ACSM3: variants seen among roughly 807,000 people sequenced by gnomAD.
ACSM3 encodes acyl-coenzyme A synthetase ACSM3, mitochondrial.
In ACSM3, 61 loss-of-function variants were observed where a neutral mutation model predicts 74.1. The observed-to-expected ratio is 0.82, with a 90% CI of 0.67 to 1.02. The LOEUF (loss-of-function observed/expected upper bound fraction) is 1.02, where lower values mean the gene tolerates loss of function less well. Among genes scored for constraint, ACSM3 ranks in the 50% least tolerant of loss-of-function variants. The probability of loss-of-function intolerance (pLI) is 0.00; values close to 1 mark genes in which losing one functional copy is unlikely to be tolerated. For missense variants in ACSM3, 660 were observed against 697.0 expected (o/e 0.95, Z 0.60); for synonymous variants, 213 against 241.5 (o/e 0.88, Z 1.09).
At chr16:20,777,076 G>C (rs548473871) in intron 3 of ACSM3, among the ~76,000 whole-genome samples, 224 of 152,196 alleles carry the variant, frequency 1.5e-3, no homozygotes, top group African/African-American at 5.2e-3. Context: ...AATAAATATT[G>C]GTTAATATTA....
chr16:20,688,773 G>T (rs1002043054), intron 1 of ACSM3, among the ~76,000 whole-genome samples: 1 of 151,866 alleles, frequency 6.6e-6, no homozygotes, highest in Non-Finnish European at 1.5e-5. Context: ...GCTAAAGGAA[G>T]TCCTCAAGGT....
At chr16:20,777,672 AT>A in intron 4 of ACSM3, 92 bp downstream of exon 4, 1 of 1,144,138 alleles carries the variant, frequency 8.7e-7, no homozygotes, top group South Asian at 1.4e-5. Context: ...AAAAATGCAA[AT>A]TAAAACAACA....
chr16:20,738,359 A>T (rs897313116), intron 1 of ACSM3: 7 of 395,306 alleles, frequency 1.8e-5, no homozygotes, highest in Non-Finnish European at 3.5e-5. Flanking sequence ...GATGTAATTA[A>T]TCCATTAGCT....
chr16:20,749,067 A>T (rs376362714), intron 1 of ACSM3, among the ~76,000 whole-genome samples: 1 of 152,164 alleles, frequency 6.6e-6, no homozygotes, highest in Non-Finnish European at 1.5e-5. Context: ...TCTCCACAAA[A>T]AAAGAAAAAA....
At chr16:20,678,650 T>C (rs557652049) in intron 1 of ACSM3, among the ~76,000 whole-genome samples, 53 of 152,328 alleles carry the variant, frequency 3.5e-4, no homozygotes, top group Non-Finnish European at 7.2e-4. Flanking sequence ...AACTCTAAGA[T>C]CTCACAATGG....
intron 1 of ACSM3, chr16:20,742,029 CT>C: frequency 6.9e-7 from 1 of 1,439,422 alleles, no homozygotes; most frequent in Non-Finnish European, 9.2e-7. Context: ...TCCTCAAGCC[CT>C]TGAAGCTGGC....
intron 1 of ACSM3, among the ~76,000 whole-genome samples, chr16:20,732,145 A>C (rs2079834444): frequency 6.6e-6 from 1 of 152,172 alleles, no homozygotes; most frequent in Non-Finnish European, 1.5e-5. Context: ...CAGAAAGAAT[A>C]CCCAAAGAAA....
chr16:20,696,673 T>C (rs2079691550), intron 1 of ACSM3, among the ~76,000 whole-genome samples: 2 of 152,334 alleles, frequency 1.3e-5, no homozygotes, highest in South Asian at 4.1e-4. Context: ...CTGCTTAAAG[T>C]GCATTCTGAA....
At chr16:20,708,386 A>G (rs1394544043) in intron 1 of ACSM3, among the ~76,000 whole-genome samples, 1 of 152,230 alleles carries the variant, frequency 6.6e-6, no homozygotes, top group Non-Finnish European at 1.5e-5. Flanking sequence ...TTTTCTACTT[A>G]TAAGATCCTG....
At chr16:20,789,894 G>A (rs1040678524) in intron 9 of ACSM3, among the ~76,000 whole-genome samples, 4 of 151,504 alleles carry the variant, frequency 2.6e-5, no homozygotes, top group Admixed American at 2.6e-4. Context: ...GGCTGGTCTT[G>A]AACTCCTGAC....
At chr16:20,692,834 T>G (rs900492755) in intron 1 of ACSM3, among the ~76,000 whole-genome samples, 1 of 152,156 alleles carries the variant, frequency 6.6e-6, no homozygotes, top group East Asian at 1.9e-4. Flanking sequence ...TTGTAGGGCA[T>G]AACTCCCTAA....
chr16:20,726,626 C>G (rs1349130325), intron 1 of ACSM3, among the ~76,000 whole-genome samples: 2 of 152,190 alleles, frequency 1.3e-5, no homozygotes, highest in Non-Finnish European at 1.5e-5. Context: ...GGCTTTCTCA[C>G]CTGTCTTCAG....
At chr16:20,716,024 T>G (rs929248663) in intron 1 of ACSM3, among the ~76,000 whole-genome samples, 2 of 143,448 alleles carry the variant, frequency 1.4e-5, no homozygotes, top group Non-Finnish European at 3.1e-5. Context: ...AGTCTAAACA[T>G]CTTTATATGG....
chr16:20,744,086 G>A (rs182300050), intron 1 of ACSM3, among the ~76,000 whole-genome samples: 4 of 152,132 alleles, frequency 2.6e-5, no homozygotes, highest in East Asian at 1.9e-4. Flanking sequence ...AAATTCAACC[G>A]GCCCAACACA....
At chr16:20,738,120 T>C in intron 1 of ACSM3, 1 of 730,134 alleles carries the variant, frequency 1.4e-6, no homozygotes, top group Non-Finnish European at 2.4e-6. Context: ...ATTTCTTCAG[T>C]GCCTAATACG....
At chr16:20,741,526 T>G (rs1165760180) in intron 1 of ACSM3, 1 of 1,145,076 alleles carries the variant, frequency 8.7e-7, no homozygotes, top group Admixed American at 2.7e-5. Context: ...GGCCCATACA[T>G]GTCGTCGCCG....
At chr16:20,728,676 C>T (rs927401559) in intron 1 of ACSM3, among the ~76,000 whole-genome samples, 4 of 150,508 alleles carry the variant, frequency 2.7e-5, no homozygotes, top group Admixed American at 2.0e-4. Flanking sequence ...AAACTGGTTG[C>T]AGTGGTTATC....
At position 20,780,956 on chromosome 16, in the gene ACSM3, T is replaced by C; in HGVS notation, c.783-18T>C. Reference sequence around the variant, plus strand: ...TTTATTTTCCTATGTACATCAGGGCTACTCTTTGTTTTCCCAGGTTCTGGC... The same window carrying C: ...TTTATTTTCCTATGTACATCAGGGCCACTCTTTGTTTTCCCAGGTTCTGGC... On this transcript the variant is annotated intron_variant, in intron 5 of 13. Transcript: ENST00000289416. 1 of 1,614,066 alleles carries C rather than the reference T, an allele frequency of 6.2e-7. No individual in the cohort carries two copies. The highest frequency in any genetic ancestry group is 2.2e-5 in the East Asian group (1 of 44,890).
intron 1 of ACSM3, among the ~76,000 whole-genome samples, chr16:20,767,598 A>G (rs1567344285): frequency 6.6e-6 from 1 of 151,960 alleles, no homozygotes; most frequent in Admixed American, 6.6e-5. Flanking sequence ...ACAGAATGAC[A>G]TTGTTAGACT....
Sources: gnomAD v4.1 joint callset for allele counts (sites outside exome capture counted in the v4.1 genomes callset) on GRCh38, gnomAD v4.1.1 for gene constraint, MANE v1.5 for transcripts, NCBI Gene and HGNC (gene_info 2026-07-23, HGNC 2026-07-21) for gene names.